Variants in PCDH15 observed in about 807,000 individuals in gnomAD.
PCDH15 encodes protocadherin-15.
Under a neutral mutation model 178.5 loss-of-function variants are expected in PCDH15, and 129 were observed. That is an observed-to-expected ratio of 0.72 (90% CI 0.63 to 0.84). PCDH15 has a LOEUF of 0.84. Among genes scored for constraint, PCDH15 ranks in the 40% least tolerant of loss-of-function variants. PCDH15 has a pLI of 0.00. For missense variants in PCDH15, 2,230 were observed against 2,099.9 expected, an observed-to-expected ratio of 1.06 and a Z score of -1.21; for synonymous variants, 800 against 732.0, an observed-to-expected ratio of 1.09 and a Z score of -1.50.
chr10:55,202,382 T>C (rs1840276947), intron 1 of PCDH15, among the ~76,000 whole-genome samples: 1 of 152,092 alleles, frequency 6.6e-6, no homozygotes, highest in Admixed American at 6.5e-5. Flanking sequence ...TTAAACCATG[T>C]GTTGTGCAAA....
Position 54,216,333 on chromosome 10 carries a change from G to A in PCDH15, c.986-2285C>T, listed in dbSNP as rs181395584. Among the ~76,000 whole-genome samples, 604 of 152,182 alleles carry A rather than the reference G, an allele frequency of 4.0e-3. 4 individuals carry two copies. The highest frequency in any genetic ancestry group is 0.014 in the African/African-American group (580 of 41,524). On this transcript the variant is annotated intron_variant, in intron 9 of 37. Transcript: ENST00000644397. Reference sequence around the variant, plus strand: ...TAGCTGGGCGTGATGGCGCACGCCTGTAATCCCAGCTACTCGGGAGGCTGA... The same window carrying A: ...TAGCTGGGCGTGATGGCGCACGCCTATAATCCCAGCTACTCGGGAGGCTGA...
chr10:55,002,763 G>T, intron 2 of PCDH15, among the ~76,000 whole-genome samples: 1 of 152,164 alleles, frequency 6.6e-6, no homozygotes, highest in East Asian at 1.9e-4. Context: ...ATGTGAGATT[G>T]TAAAAGCCAG....
Position 54,981,610 on chromosome 10 carries a change from T to A in PCDH15, c.-79-84110A>T, listed in dbSNP as rs144648044. Among the ~76,000 whole-genome samples, 329 of 152,246 alleles carry A rather than the reference T, an allele frequency of 2.2e-3. 1 individual carries two copies. Among genetic ancestry groups the A allele is most frequent in the African/African-American group, 7.5e-3 (312 of 41,540 alleles). ...TTAAAATTAAACTAAACAAAAGGGT[T>A]TTTTTCTTTGAAAACTTGGCCTAAT... On this transcript the variant is annotated intron_variant, in intron 2 of 5. Coordinates refer to the PCDH15 transcript ENST00000458638.
At chr10:53,902,221 G>A (rs982276072) in intron 26 of PCDH15, among the ~76,000 whole-genome samples, 1 of 152,116 alleles carries the variant, frequency 6.6e-6, no homozygotes, top group African/African-American at 2.4e-5. Flanking sequence ...GGTGATTCAG[G>A]TCAGGGGTCT....
chr10:55,274,115 G>A (rs892849424), intron 1 of PCDH15, among the ~76,000 whole-genome samples: 2 of 152,190 alleles, frequency 1.3e-5, no homozygotes, highest in Non-Finnish European at 2.9e-5. Flanking sequence ...TAGTTGGTTT[G>A]TATACTGAGC....
At chr10:53,846,014 GTA>G (rs2132850138) in intron 28 of PCDH15, among the ~76,000 whole-genome samples, 1 of 118,358 alleles carries the variant, frequency 8.4e-6, no homozygotes, top group South Asian at 3.3e-4. Flanking sequence ...TATCAATAGT[GTA>G]TGTGTATACA....
chr10:54,371,622 A>G (rs961805208), intron 4 of PCDH15, among the ~76,000 whole-genome samples: 13 of 151,788 alleles, frequency 8.6e-5, no homozygotes, highest in Non-Finnish European at 1.5e-4. Flanking sequence ...TCTTAATCCA[A>G]ATTTGCACCA....
At chr10:54,871,730 T>A (rs1954045030) in intron 3 of PCDH15, among the ~76,000 whole-genome samples, 1 of 152,066 alleles carries the variant, frequency 6.6e-6, no homozygotes, top group African/African-American at 2.4e-5. Flanking sequence ...CATAAATTAT[T>A]TTTGTTCATA....
At chr10:55,229,626 A>G (rs1427473268) in intron 1 of PCDH15, among the ~76,000 whole-genome samples, 2 of 152,084 alleles carry the variant, frequency 1.3e-5, no homozygotes, top group African/African-American at 4.8e-5. Flanking sequence ...TAAGTCAAAC[A>G]TGGAAAAATA....
intron 2 of PCDH15, among the ~76,000 whole-genome samples, chr10:55,402,468 TTCTG>T (rs1350342248): frequency 6.6e-6 from 1 of 151,968 alleles, no homozygotes; most frequent in Non-Finnish European, 1.5e-5. Context: ...AACTTATTCT[TTCTG>T]TCTAACTTGT....
intron 1 of PCDH15, among the ~76,000 whole-genome samples, chr10:55,277,593 T>C (rs917567637): frequency 6.6e-6 from 1 of 152,126 alleles, no homozygotes; most frequent in East Asian, 1.9e-4. Flanking sequence ...ACAAAACTAG[T>C]ATAATGACAG....
chr10:54,114,178 T>A (rs1470195438), intron 15 of PCDH15, among the ~76,000 whole-genome samples: 1 of 152,330 alleles, frequency 6.6e-6, no homozygotes, highest in East Asian at 1.9e-4. Context: ...TGAATTTCTA[T>A]AGTGTATTTA....
intron 3 of PCDH15, among the ~76,000 whole-genome samples, chr10:54,880,710 G>A (rs994859090): frequency 2.0e-5 from 3 of 150,122 alleles, no homozygotes; most frequent in Non-Finnish European, 4.4e-5. Flanking sequence ...TTGTAATGAT[G>A]GACCTAAATC....
At chr10:55,051,143 G>C (rs993408645) in intron 2 of PCDH15, among the ~76,000 whole-genome samples, 18 of 151,970 alleles carry the variant, frequency 1.2e-4, no homozygotes, top group African/African-American at 4.1e-4. Context: ...CACTGTGATT[G>C]AGGGTCACCT....
chr10:55,040,455 G>A (rs1383046768), intron 2 of PCDH15, among the ~76,000 whole-genome samples: 1 of 151,398 alleles, frequency 6.6e-6, no homozygotes, highest in Non-Finnish European at 1.5e-5. Context: ...GACTTGAGAG[G>A]CAGCTAGATA....
At chr10:54,921,319 ATTTATT>A (rs1199974185) in intron 2 of PCDH15, among the ~76,000 whole-genome samples, 28 of 130,024 alleles carry the variant, frequency 2.2e-4, no homozygotes, top group Non-Finnish European at 1.6e-4. Context: ...TTTTATTTTT[ATTTATT>A]TTTTTTTACT....
At chr10:54,711,998 A>G (rs987548200) in intron 1 of PCDH15, among the ~76,000 whole-genome samples, 3 of 151,940 alleles carry the variant, frequency 2.0e-5, no homozygotes, top group African/African-American at 7.2e-5. Context: ...CTTTGATTAT[A>G]CAAATGAATA....
At chr10:55,068,279 A>G (rs911447379) in intron 2 of PCDH15, among the ~76,000 whole-genome samples, 1 of 152,056 alleles carries the variant, frequency 6.6e-6, no homozygotes, top group Non-Finnish European at 1.5e-5. Context: ...ATTTTTGTAT[A>G]TGATGGGAGA....
chr10:54,196,208 A>T (rs4245028), intron 10 of PCDH15, among the ~76,000 whole-genome samples: 108,866 of 151,928 alleles, frequency 0.72, 39,946 homozygotes, highest in East Asian at 0.98. Flanking sequence ...AGTGGAGTGA[A>T]CTCGGCTCAC....
Sources: gnomAD v4.1 joint callset for allele counts (sites outside exome capture counted in the v4.1 genomes callset) on GRCh38, gnomAD v4.1.1 for gene constraint, MANE v1.5 for transcripts, NCBI Gene and HGNC (gene_info 2026-07-23, HGNC 2026-07-21) for gene names.